The following DDX60 variants were observed in gnomAD, a reference collection of about 807,000 sequenced individuals.
DDX60 encodes DExD/H-box helicase 60.
DDX60 carries 165 observed loss-of-function variants against 212.8 expected under a neutral mutation model. The ratio of observed to expected loss-of-function variants is 0.78; its 90% confidence interval spans 0.68 to 0.88. DDX60 has a LOEUF of 0.88. Ranked by LOEUF, DDX60 falls within the 40% of genes least tolerant of loss-of-function variation. The probability of loss-of-function intolerance (pLI) is 0.00; values close to 1 mark genes in which losing one functional copy is unlikely to be tolerated. For missense variants in DDX60, 1,905 were observed against 2,003.9 expected (o/e 0.95, Z 0.94); for synonymous variants, 703 against 685.3 (o/e 1.03, Z -0.40).
chr4:168,234,156 CTT>C (rs1182899644), intron 33 of DDX60, among the ~76,000 whole-genome samples: 2 of 152,032 alleles, frequency 1.3e-5, no homozygotes, highest in African/African-American at 4.8e-5. Context: ...ATGATTTTCT[CTT>C]TGTGCTTTTC....
intron 19 of DDX60, among the ~76,000 whole-genome samples, chr4:168,271,516 G>A (rs1288954572): frequency 1.3e-5 from 2 of 152,158 alleles, no homozygotes; most frequent in African/African-American, 2.4e-5. Context: ...ATGCTTCCAC[G>A]CCCTGCCCCT....
At chr4:168,321,732 T>A (rs1201125844), upstream of DDX60, among the ~76,000 whole-genome samples, 1 of 152,144 alleles carries the variant, frequency 6.6e-6, no homozygotes, top group Non-Finnish European at 1.5e-5. Context: ...GGTTTGGATC[T>A]CCCCTCAAGC....
intron 33 of DDX60, chr4:168,236,031 T>C: frequency 2.3e-6 from 1 of 433,616 alleles, no homozygotes; most frequent in Non-Finnish European, 4.0e-6. Context: ...ATAAAATGTT[T>C]ATCCTCTTTT....
chr4:168,227,516 G>A (rs1733299493), intron 33 of DDX60, among the ~76,000 whole-genome samples: 1 of 151,884 alleles, frequency 6.6e-6, no homozygotes. Context: ...CCAACTTAGA[G>A]GCTTTGTTGA....
chr4:168,227,083 A>G (rs1733282813), intron 33 of DDX60, among the ~76,000 whole-genome samples: 1 of 152,120 alleles, frequency 6.6e-6, no homozygotes, highest in Non-Finnish European at 1.5e-5. Context: ...CTTTACGATA[A>G]AAATCATGCA....
chr4:168,216,648 A>T lies in DDX60; in HGVS notation c.*285T>A. On this transcript the variant is annotated 3_prime_UTR_variant, in exon 38 of 38. Coordinates refer to ENST00000393743, the MANE Select transcript of DDX60 (RefSeq NM_017631.6). ...ATTCAGTCACATACAACATTCTCGC[A>T]TTTTTTTAGTCAATCCTCAAACTAC... The T allele has an allele frequency of 4.5e-6, 1 of 221,088 alleles. No homozygotes were observed. Among genetic ancestry groups the T allele is most frequent in the Non-Finnish European group, 8.7e-6 (1 of 114,344 alleles). The allele number at this position is 221,088 out of a possible 1,614,324, so 13.7% of individuals were successfully genotyped here. A position where few individuals can be genotyped will look rare whatever the true frequency, so the allele number is the denominator to read the frequency against.
rs191731818 is a variant in DDX60, at chr4:168,281,714, T to G, written c.1723-1124A>C. Among the ~76,000 whole-genome samples the G allele has an allele frequency of 2.2e-3, 336 of 152,294 alleles. 1 individual carries two copies. Among genetic ancestry groups the G allele is most frequent in the African/African-American group, 7.8e-3 (323 of 41,556 alleles). ...GTATTAGCAAGAGGATTCCAACACA[T>G]TTTCCACACTTCTGGTTAGTCACGA... On this transcript the variant is annotated intron_variant, in intron 13 of 37. Transcript: ENST00000393743.
intron 17 of DDX60, 45 bp downstream of exon 17, chr4:168,273,889 T>C (rs1399933720): frequency 6.4e-7 from 1 of 1,562,440 alleles, no homozygotes; most frequent in Admixed American, 1.9e-5. Flanking sequence ...TTTTAAATAG[T>C]AGGTTCAGGA....
In DDX60 at chr4:168,293,965, T is replaced by C; in HGVS notation, c.724-20A>G. On this transcript the variant is annotated intron_variant, in intron 6 of 37. Coordinates refer to ENST00000393743, the MANE Select transcript of DDX60 (RefSeq NM_017631.6). ...GTGTGCCTGTCAAAGAAAAAAATTG[T>C]AATGTGTCATGCTATTTAGAAAAAT... 6.2e-7 allele frequency: 1 copy of C among 1,601,554 alleles called. No individual in the cohort carries two copies. Among genetic ancestry groups the C allele is most frequent in the Non-Finnish European group, 8.5e-7 (1 of 1,175,936 alleles).
At chr4:168,275,747 T>C (rs1388638638) in intron 15 of DDX60, among the ~76,000 whole-genome samples, 1 of 152,138 alleles carries the variant, frequency 6.6e-6, no homozygotes, top group Non-Finnish European at 1.5e-5. Context: ...TCACACTAGT[T>C]TTGAGATGTT....
At chr4:168,245,303 C>T (rs866937777) in intron 30 of DDX60, among the ~76,000 whole-genome samples, 8 of 152,114 alleles carry the variant, frequency 5.3e-5, no homozygotes, top group Non-Finnish European at 1.0e-4. Flanking sequence ...ACTGCCATGG[C>T]TCCTCTATGT....
chr4:168,310,188 T>C (rs534910829), intron 3 of DDX60, among the ~76,000 whole-genome samples: 2 of 152,276 alleles, frequency 1.3e-5, no homozygotes, highest in African/African-American at 4.8e-5. Context: ...AACACAACGA[T>C]GCTGAAGTGG....
chr4:168,314,087 G>C (rs1359619195), intron 1 of DDX60, among the ~76,000 whole-genome samples: 1 of 152,144 alleles, frequency 6.6e-6, no homozygotes, highest in African/African-American at 2.4e-5. Context: ...GCAAGACAAT[G>C]CGTGTAAAGC....
rs762841596 is a variant in DDX60 at position 168,255,788 on chromosome 4, G to A, written c.3480C>T (p.Pro1160=). The part of the protein sequence containing the change: ...LKKKQETKRP[P]KADKEAHVMA... Reference sequence around the variant, plus strand: ...TGACATGGGCTTCTTTATCAGCTTTGGGAGGCCTTTTTGTCTCCTGCTTTT... The same window carrying A: ...TGACATGGGCTTCTTTATCAGCTTTAGGAGGCCTTTTTGTCTCCTGCTTTT... The change falls in exon 26 of 38, where the codon CCC becomes CCT. Residue 1160 remains proline (P), a synonymous_variant. Transcript: ENST00000393743. 8.1e-6 allele frequency: 13 copies of A among 1,608,424 alleles called. No homozygotes were observed. The highest frequency in any genetic ancestry group is 5.1e-5 in the Admixed American group (3 of 58,916).
chr4:168,231,606 A>G (rs756453061), intron 33 of DDX60, among the ~76,000 whole-genome samples: 1 of 152,104 alleles, frequency 6.6e-6, no homozygotes, highest in Non-Finnish European at 1.5e-5. Context: ...AGATTTAAAA[A>G]CAAAAATCAC....
chr4:168,246,268 C>T (rs1734018714), intron 30 of DDX60, 150 bp downstream of exon 30: 2 of 903,376 alleles, frequency 2.2e-6, no homozygotes, highest in Non-Finnish European at 1.7e-6. Flanking sequence ...CCTAGCTACC[C>T]CCAATTCTAT....
intron 24 of DDX60, among the ~76,000 whole-genome samples, 198 bp from the exon 25 acceptor site, chr4:168,261,187 T>C (rs1166584472): frequency 1.3e-5 from 2 of 152,204 alleles, no homozygotes; most frequent in East Asian, 1.9e-4. Context: ...AACAAAAATT[T>C]GGCAGTAATA....
Position 168,221,777 on chromosome 4 carries a change from C to T in DDX60, c.4929G>A (p.Leu1643=). 1 of 1,613,008 alleles carries T rather than the reference C, an allele frequency of 6.2e-7. No individual in the cohort carries two copies. Among genetic ancestry groups the T allele is most frequent in the Non-Finnish European group, 8.5e-7 (1 of 1,179,356 alleles). ...GRKMSLNAYA[L]DFYKHGSLIG... is the part of the protein sequence containing the mutation. ...TCAAGGAACCATGTTTGTAGAAATC[C>T]AGTGCATAGGCATTAAGCGACATTT... Residue 1643 remains leucine, a synonymous_variant, in exon 36 of 38, where the codon CTG becomes CTA. Transcript: ENST00000393743.
At position 168,275,426 on chromosome 4, in the gene DDX60, T is replaced by C. The variant is rs370906688; in HGVS notation, c.2223A>G (p.Gln741=). The C allele has an allele frequency of 3.6e-5, 58 of 1,613,370 alleles. No individual in the cohort carries two copies. The highest frequency in any genetic ancestry group is 4.7e-5 in the Non-Finnish European group (55 of 1,179,632). The part of the protein sequence containing the change: ...VGIGPARFQL[Q]YMGHYLIRDE... ...CTCGTATCAAATAATGGCCCATGTA[T>C]TGCAGTTGGAACCGAGCTGGCCCAA... Residue 741 remains glutamine, a synonymous_variant, in exon 16 of 38, where the codon CAA becomes CAG. Coordinates refer to ENST00000393743, the MANE Select transcript of DDX60 (RefSeq NM_017631.6).
Sources: gnomAD v4.1 joint callset for allele counts (sites outside exome capture counted in the v4.1 genomes callset) on GRCh38, gnomAD v4.1.1 for gene constraint, MANE v1.5 for transcripts, NCBI Gene and HGNC (gene_info 2026-07-23, HGNC 2026-07-21) for gene names.